FILIP1L: variants seen among roughly 807,000 people sequenced by gnomAD.
FILIP1L encodes the protein filamin A-interacting protein 1-like.
A neutral mutation model predicts 96.6 loss-of-function variants in FILIP1L; 55 were observed. That is an observed-to-expected ratio of 0.57 (90% CI 0.46 to 0.71). The LOEUF (loss-of-function observed/expected upper bound fraction) is 0.71, where lower values mean the gene tolerates loss of function less well. FILIP1L is among the 30% of genes least tolerant of loss of function. The probability of loss-of-function intolerance (pLI) is 0.00; values close to 1 mark genes in which losing one functional copy is unlikely to be tolerated. For synonymous variants in FILIP1L, 467 were observed against 473.9 expected (o/e 0.99, Z 0.19); for missense variants, 1,304 against 1,321.2 (o/e 0.99, Z 0.20).
chr3:100,028,941 A>G (rs971522385), intron 1 of FILIP1L, among the ~76,000 whole-genome samples: 3 of 152,204 alleles, frequency 2.0e-5, no homozygotes, highest in African/African-American at 7.2e-5. Context: ...ATATACATAT[A>G]TATCCTGTTG....
At chr3:100,055,844 C>T (rs1158294253) in intron 1 of FILIP1L, among the ~76,000 whole-genome samples, 1 of 152,188 alleles carries the variant, frequency 6.6e-6, no homozygotes, top group African/African-American at 2.4e-5. Flanking sequence ...ATTACTCTTC[C>T]ACAATATGAA....
chr3:99,871,228 A>C (rs1944769906), intron 4 of FILIP1L, among the ~76,000 whole-genome samples: 1 of 152,210 alleles, frequency 6.6e-6, no homozygotes, highest in Non-Finnish European at 1.5e-5. Flanking sequence ...GGTTGCTTTA[A>C]GTAGTGGCTG....
chr3:99,926,678 G>A (rs1707302602), intron 3 of FILIP1L, among the ~76,000 whole-genome samples: 1 of 152,126 alleles, frequency 6.6e-6, no homozygotes, highest in Non-Finnish European at 1.5e-5. Flanking sequence ...ACTAAAAGAG[G>A]CTTTTCTAAA....
intron 1 of FILIP1L, among the ~76,000 whole-genome samples, chr3:99,940,707 T>A (rs1018287367): frequency 2.6e-5 from 4 of 152,202 alleles, no homozygotes; most frequent in Admixed American, 2.0e-4. Flanking sequence ...TTCCTACAAA[T>A]TTTTATTTTT....
chr3:100,020,543 T>A (rs1434780461), intron 1 of FILIP1L, among the ~76,000 whole-genome samples: 1 of 152,186 alleles, frequency 6.6e-6, no homozygotes, highest in Non-Finnish European at 1.5e-5. Flanking sequence ...TTGGCCATTC[T>A]GTTTTGAGGA....
At chr3:100,006,261 C>G (rs559553573) in intron 1 of FILIP1L, among the ~76,000 whole-genome samples, 38 of 152,178 alleles carry the variant, frequency 2.5e-4, no homozygotes, top group Non-Finnish European at 4.9e-4. Flanking sequence ...ATCTTTGGCT[C>G]TTATTTAAAT....
chr3:99,870,040 T>A lies in FILIP1L; in HGVS notation c.606-18970A>T, dbSNP rs902451111. ...ACCCTCATTTTCTTTAGCTAATTTG[T>A]CTCTGTAGTGATATAATCAGTAGCT... On this transcript the variant is annotated intron_variant, in intron 4 of 5. Coordinates refer to ENST00000477258, the MANE Select transcript of FILIP1L (RefSeq NM_001387850.1). 2.6e-5 allele frequency among the ~76,000 whole-genome samples: 4 copies of A among 152,348 alleles called. No homozygotes were observed. The Middle Eastern group carries it at 0.014, about 518-fold the overall frequency.
rs1559713798 is a variant in FILIP1L at position 99,983,500 on chromosome 3, A to ATGTG, written c.-10-52471_-10-52470insCACA. Among the ~76,000 whole-genome samples the ATGTG allele has an allele frequency of 2.7e-4, 29 of 108,918 alleles. 1 individual carries two copies. The highest frequency in any genetic ancestry group is 1.0e-3 in the African/African-American group (26 of 25,852). 71.5% of individuals were successfully genotyped at this position (108,918 alleles called of 152,430 possible). A position where few individuals can be genotyped will look rare whatever the true frequency, so the allele number is the denominator to read the frequency against. On this transcript the variant is annotated intron_variant, in intron 1 of 5. Coordinates refer to ENST00000477258, the MANE Select transcript of FILIP1L (RefSeq NM_001387850.1). ...TATATATATATATATATATATATAT[A>ATGTG]TATATATATGTATATATATACACAC...
chr3:99,931,342 T>G (rs1707476746), intron 1 of FILIP1L, among the ~76,000 whole-genome samples: 1 of 152,186 alleles, frequency 6.6e-6, no homozygotes, highest in Non-Finnish European at 1.5e-5. Flanking sequence ...AGGTCAGACC[T>G]CCAACCATGA....
At chr3:100,093,077 TG>T in intron 1 of FILIP1L, among the ~76,000 whole-genome samples, 1 of 152,016 alleles carries the variant, frequency 6.6e-6, no homozygotes, top group Middle Eastern at 3.4e-3. Flanking sequence ...GAATACAGAA[TG>T]GAAAAAATTG....
rs574750578 is a variant in FILIP1L at position 99,981,886 on chromosome 3, C to T, written c.-10-50856G>A. On this transcript the variant is annotated intron_variant, in intron 1 of 5. Coordinates refer to ENST00000477258, the MANE Select transcript of FILIP1L (RefSeq NM_001387850.1). The stretch of plus-strand genomic sequence containing the variant: ...AGGCATGGTGGCTCACACCTGTAAT[C>T]CCAGCAAGGCGGGAGGATCGCTTGA... 2.0e-5 allele frequency among the ~76,000 whole-genome samples: 3 copies of T among 152,278 alleles called. No homozygotes were observed. In the South Asian group the frequency reaches 6.2e-4, roughly 32 times the overall value.
In FILIP1L at chr3:100,028,168, T is replaced by C. The variant is rs139522052; in HGVS notation, c.-11+85885A>G. On this transcript the variant is annotated intron_variant, in intron 1 of 5. Transcript: ENST00000477258. ...AATTGCTTTATACAGATTATTTTAG[T>C]TAATTCTTACATCATTCCATTGAGT... is the stretch of plus-strand genomic sequence containing the variant. Among the ~76,000 whole-genome samples the C allele has an allele frequency of 4.5e-4, 68 of 152,322 alleles. 1 individual carries two copies. Among genetic ancestry groups the C allele is most frequent in the African/African-American group, 1.6e-3 (65 of 41,586 alleles).
chr3:99,937,213 C>T (rs1243210226), intron 1 of FILIP1L, among the ~76,000 whole-genome samples: 2 of 152,154 alleles, frequency 1.3e-5, no homozygotes, highest in African/African-American at 4.8e-5. Flanking sequence ...GCTGGGATTA[C>T]AGGTATGAGC....
At chr3:99,927,838 C>T (rs988659389) in intron 3 of FILIP1L, among the ~76,000 whole-genome samples, 1 of 152,114 alleles carries the variant, frequency 6.6e-6, no homozygotes, top group African/African-American at 2.4e-5. Context: ...CACCTCTGCT[C>T]CTAGCCCCAG....
intron 1 of FILIP1L, among the ~76,000 whole-genome samples, chr3:100,022,040 T>C (rs2064835559): frequency 6.6e-6 from 1 of 151,664 alleles, no homozygotes. Context: ...CATTTCCTTT[T>C]TCCATAAAGC....
intron 1 of FILIP1L, among the ~76,000 whole-genome samples, chr3:100,043,165 A>C (rs1225829515): frequency 1.3e-5 from 2 of 152,192 alleles, no homozygotes; most frequent in African/African-American, 4.8e-5. Flanking sequence ...CCAGTCCTCA[A>C]AGCTCAGAGA....
intron 1 of FILIP1L, among the ~76,000 whole-genome samples, chr3:99,968,881 G>A (rs752696638): frequency 6.6e-6 from 1 of 152,102 alleles, no homozygotes; most frequent in Non-Finnish European, 1.5e-5. Flanking sequence ...AGAAGGGTTA[G>A]CACAAACCTC....
chr3:100,008,865 T>G (rs1710064367), intron 1 of FILIP1L, among the ~76,000 whole-genome samples: 1 of 152,222 alleles, frequency 6.6e-6, no homozygotes, highest in Non-Finnish European at 1.5e-5. Flanking sequence ...GTGATTTTAT[T>G]CCTGGGCATG....
At position 99,849,300 on chromosome 3, in the gene FILIP1L, A is replaced by C; in HGVS notation, c.2376T>G (p.Asp792Glu). The C allele has an allele frequency of 6.2e-7, 1 of 1,614,180 alleles. No homozygotes were observed. The highest frequency in any genetic ancestry group is 8.5e-7 in the Non-Finnish European group (1 of 1,180,026). The change falls in exon 5 of 6, where the codon GAT becomes GAG. Residue 792 changes from aspartate (D) to glutamate (E), a missense_variant. Transcript: ENST00000477258. ...GAACTTCTTTAGAAAATACTTGAGG[A>C]TCGGAAATTCTTCTTCCATTGAGAC... The part of the protein sequence containing the change: ...RPSLNGRRIS[D>E]PQVFSKEVQT...
Sources: allele counts gnomAD v4.1 joint callset (sites outside exome capture counted in the v4.1 genomes callset), GRCh38; gene constraint gnomAD v4.1.1; transcripts MANE v1.5; gene names NCBI Gene and HGNC (gene_info 2026-07-23, HGNC 2026-07-21).